The following TF variants were observed in gnomAD, a reference collection of about 807,000 sequenced individuals.
TF encodes serotransferrin.
In TF, 55 loss-of-function variants were observed where a neutral mutation model predicts 82.4. The ratio of observed to expected loss-of-function variants is 0.67; its 90% CI spans 0.54 to 0.84. The LOEUF is 0.84. Among genes scored for constraint, TF ranks in the 40% least tolerant of loss-of-function variants. The pLI is 0.00. For missense variants in TF, 737 were observed against 868.4 expected (o/e 0.85, Z 1.90); for synonymous variants, 332 against 332.6 (o/e 1.00, Z 0.02).
chr3:133,778,462 T>C, intron 16 of TF, 124 bp from the exon 17 acceptor site: 1 of 1,040,076 alleles, frequency 9.6e-7, no homozygotes, highest in Non-Finnish European at 1.4e-6. Flanking sequence ...ACGGCCCAGT[T>C]CACAGAAGAG....
intron 6 of TF, among the ~76,000 whole-genome samples, chr3:133,756,562 G>A (rs1933839697): frequency 6.6e-6 from 1 of 152,114 alleles, no homozygotes; most frequent in Non-Finnish European, 1.5e-5. Context: ...CTGCCTCTGG[G>A]GTAGTGTTGC....
chr3:133,665,040 G>C, the TF span: 2 of 152,182 alleles, frequency 1.3e-5, no homozygotes, highest in Non-Finnish European at 2.9e-5. Flanking sequence ...TTTGCCGGTC[G>C]TGGTGACTCT....
rs1559883754 is a variant in TF at position 133,786,347 on chromosome 3, C to T, written c.*7727C>T. ...TTTTGTAAATCTTTTTGTTAAAATT[C>T]ATATGTAATGTTGTTTTGGTTGGGG... On this transcript the variant is annotated 3_prime_UTR_variant, in exon 17 of 17. Transcript: ENST00000402696. 1 of 151,072 alleles carries T rather than the reference C, an allele frequency of 6.6e-6. No individual in the cohort carries two copies. The highest frequency in any genetic ancestry group is 1.5e-5 in the Non-Finnish European group (1 of 67,978). The allele number at this position is 151,072 out of a possible 1,614,324, so 9.4% of individuals were successfully genotyped here.
chr3:133,730,988 TA>T, the TF span, among the ~76,000 whole-genome samples: 1 of 152,186 alleles, frequency 6.6e-6, no homozygotes, highest in Non-Finnish European at 1.5e-5. Context: ...TTAAAACAAC[TA>T]AAAGGGTAAA....
chr3:133,680,429 C>T, the TF span, among the ~76,000 whole-genome samples: 7 of 152,148 alleles, frequency 4.6e-5, no homozygotes, highest in Admixed American at 2.0e-4. Context: ...GTCTCAGACT[C>T]CCTGGGCTCA....
At chr3:133,702,366 C>T in the TF span, among the ~76,000 whole-genome samples, 4 of 151,980 alleles carry the variant, frequency 2.6e-5, no homozygotes, top group African/African-American at 4.8e-5. Flanking sequence ...GGTGACATTC[C>T]GGGCTATGGT....
chr3:133,683,938 C>T, the TF span, among the ~76,000 whole-genome samples: 19 of 152,162 alleles, frequency 1.2e-4, no homozygotes, highest in African/African-American at 4.1e-4. Flanking sequence ...CCAAAATTGA[C>T]CACATAGTTG....
intron 11 of TF, among the ~76,000 whole-genome samples, chr3:133,765,955 A>G (rs1934116295): frequency 6.6e-6 from 1 of 152,250 alleles, no homozygotes; most frequent in Non-Finnish European, 1.5e-5. Context: ...TAGCTGTTTC[A>G]GTATCCATTC....
chr3:133,694,886 ATT>A, the TF span, among the ~76,000 whole-genome samples: 1 of 116,000 alleles, frequency 8.6e-6, no homozygotes, highest in Non-Finnish European at 2.0e-5. Context: ...TTATTTATTT[ATT>A]ATTATTATTA....
At chr3:133,766,175 C>T in intron 11 of TF, 103 bp from the exon 12 acceptor site, 1 of 1,101,372 alleles carries the variant, frequency 9.1e-7, no homozygotes, top group Non-Finnish European at 1.4e-6. Context: ...GACACAATGA[C>T]TGATTGAGGA....
intron 13 of TF, among the ~76,000 whole-genome samples, chr3:133,769,500 T>C (rs1245226114): frequency 6.6e-6 from 1 of 152,236 alleles, no homozygotes; most frequent in East Asian, 1.9e-4. Context: ...TTTCTAAACA[T>C]GTCTTATAAA....
intron 1 of TF, among the ~76,000 whole-genome samples, chr3:133,746,782 C>G (rs1303039064): frequency 6.6e-6 from 1 of 152,232 alleles, no homozygotes; most frequent in Non-Finnish European, 1.5e-5. Context: ...GCTGCTGCCT[C>G]TTGTCAAGTC....
In TF at chr3:133,748,543, G is replaced by A. The variant is rs574828944; in HGVS notation, c.175G>A (p.Val59Met). 1 of 1,614,126 alleles carries A rather than the reference G, an allele frequency of 6.2e-7. No homozygotes were observed. The highest frequency in any genetic ancestry group is 2.2e-5 in the East Asian group (1 of 44,830). The change falls in exon 2 of 17, where the codon GTG (valine) becomes ATG (methionine). Residue 59 changes from valine to methionine, a missense_variant. By Grantham distance (21) the Val-to-Met change is conservative. Transcript: ENST00000402696. ...IPSDGPSVAC[V>M]KKASYLDCIR... ...ATCCGATGGTCCCAGTGTTGCTTGT[G>A]TGAAGAAAGCCTCCTACCTTGATTG...
chr3:133,683,609 C>T, the TF span, among the ~76,000 whole-genome samples: 73 of 152,180 alleles, frequency 4.8e-4, no homozygotes, highest in African/African-American at 1.5e-3. Context: ...CAAAGAAGGC[C>T]GTTACATAAT....
At chr3:133,765,191 G>T (rs2107924719) in intron 11 of TF, among the ~76,000 whole-genome samples, 1 of 152,294 alleles carries the variant, frequency 6.6e-6, no homozygotes, top group East Asian at 1.9e-4. Flanking sequence ...GATCGTCTAG[G>T]ATTATACATC....
At chr3:133,699,622 A>G in the TF span, 1 of 530,504 alleles carries the variant, frequency 1.9e-6, no homozygotes, top group Non-Finnish European at 3.7e-6. Flanking sequence ...AACCAGGTCC[A>G]GGTATCCCCA....
chr3:133,754,116 C>G (rs1293109231), intron 3 of TF: 1 of 415,354 alleles, frequency 2.4e-6, no homozygotes, highest in African/African-American at 2.0e-5. Context: ...ATCAACCTGA[C>G]TGTCTCTGGG....
chr3:133,691,383 G>A, the TF span, among the ~76,000 whole-genome samples: 1 of 152,204 alleles, frequency 6.6e-6, no homozygotes, highest in Non-Finnish European at 1.5e-5. Flanking sequence ...GCTCCTCTAG[G>A]TGCTGGGATT....
intron 10 of TF, 119 bp downstream of exon 10, chr3:133,764,394 C>A: frequency 3.5e-6 from 3 of 855,698 alleles, no homozygotes; most frequent in Non-Finnish European, 5.9e-6. Context: ...TCTCTGAGCA[C>A]CTCCTACTTT....
Sources: gnomAD v4.1 joint callset for allele counts (sites outside exome capture counted in the v4.1 genomes callset) on GRCh38, gnomAD v4.1.1 for gene constraint, MANE v1.5 for transcripts, NCBI Gene and HGNC (gene_info 2026-07-23, HGNC 2026-07-21) for gene names.